Variants in PPP1R1C observed in about 807,000 individuals in gnomAD.
PPP1R1C encodes the protein protein phosphatase 1 regulatory inhibitor subunit 1C, also known as protein phosphatase 1 regulatory subunit 1C.
PPP1R1C carries 15 observed loss-of-function variants against 17.4 expected under a neutral mutation model. The ratio of observed to expected loss-of-function variants is 0.86; its 90% CI spans 0.58 to 1.33. The LOEUF (loss-of-function observed/expected upper bound fraction) is 1.33, where lower values mean the gene tolerates loss of function less well. Among genes scored for constraint, PPP1R1C ranks in the 40% most tolerant of loss-of-function variants. The probability of loss-of-function intolerance (pLI) is 0.00; values close to 1 mark genes in which losing one functional copy is unlikely to be tolerated. For synonymous variants in PPP1R1C, 35 were observed against 43.1 expected (o/e 0.81, Z 0.73); for missense variants, 143 against 130.0 (o/e 1.10, Z -0.48).
At chr2:181,971,227 C>T (rs989669040) in intron 1 of PPP1R1C, among the ~76,000 whole-genome samples, 29 of 152,298 alleles carry the variant, frequency 1.9e-4, no homozygotes, top group Non-Finnish European at 2.8e-4. Flanking sequence ...AGGCCCACAG[C>T]GAGTACTGCC....
chr2:181,988,986 AACTT>A (rs1411505168), intron 2 of PPP1R1C, among the ~76,000 whole-genome samples: 1 of 152,342 alleles, frequency 6.6e-6, no homozygotes, highest in African/African-American at 2.4e-5. Context: ...AATAAATCTT[AACTT>A]ACTTATATTT....
rs140422457 is a variant in PPP1R1C, at chr2:181,992,967, C to T, written c.142+5068C>T. Among the ~76,000 whole-genome samples the T allele has an allele frequency of 2.4e-4, 37 of 151,956 alleles. No homozygotes were observed. In the East Asian group the frequency reaches 5.2e-3, roughly 21 times the overall value. Reference sequence around the variant, plus strand: ...TGCTTTGGCTATTCATTTCCAGAAACGAAAAAGAAGCCACAGTTTATACTG... The same window carrying T: ...TGCTTTGGCTATTCATTTCCAGAAATGAAAAAGAAGCCACAGTTTATACTG... On this transcript the variant is annotated intron_variant, in intron 2 of 4. Transcript: ENST00000682840.
intron 2 of PPP1R1C, among the ~76,000 whole-genome samples, chr2:182,027,661 T>C (rs1410714618): frequency 6.8e-6 from 1 of 147,384 alleles, no homozygotes; most frequent in Admixed American, 6.7e-5. Context: ...AGGATATTGG[T>C]CTAAAATTCT....
intron 4 of PPP1R1C, among the ~76,000 whole-genome samples, chr2:182,073,078 C>T (rs954400871): frequency 2.0e-5 from 3 of 147,792 alleles, no homozygotes; most frequent in South Asian, 2.2e-4. Context: ...GAAAATAATA[C>T]GTGGTTTCTG....
chr2:182,044,966 T>C (rs1687299139), intron 2 of PPP1R1C, among the ~76,000 whole-genome samples: 1 of 152,228 alleles, frequency 6.6e-6, no homozygotes. Context: ...TTCCTTCATC[T>C]TTCTGTCTCT....
chr2:182,111,705 GATTAA>G (rs1689443093), intron 4 of PPP1R1C, among the ~76,000 whole-genome samples: 1 of 151,422 alleles, frequency 6.6e-6, no homozygotes, highest in Admixed American at 6.6e-5. Flanking sequence ...AAATATTATA[GATTAA>G]ATTATATTGA....
At chr2:182,081,679 T>G (rs1016563422) in intron 4 of PPP1R1C, among the ~76,000 whole-genome samples, 2 of 152,176 alleles carry the variant, frequency 1.3e-5, no homozygotes, top group African/African-American at 4.8e-5. Flanking sequence ...AAAAAAAAAG[T>G]ATTGTGTCAT....
At chr2:182,120,483 C>A (rs985652532), downstream of PPP1R1C, among the ~76,000 whole-genome samples, 1 of 152,086 alleles carries the variant, frequency 6.6e-6, no homozygotes, top group East Asian at 1.9e-4. Flanking sequence ...ATATCACCAC[C>A]GATCCCCTGA....
At chr2:181,970,358 A>C (rs1477627124) in intron 1 of PPP1R1C, among the ~76,000 whole-genome samples, 1 of 152,092 alleles carries the variant, frequency 6.6e-6, no homozygotes, top group Non-Finnish European at 1.5e-5. Flanking sequence ...ATTAGGGGGC[A>C]CTCCAAGCCT....
chr2:182,074,824 G>A (rs1372377401), intron 4 of PPP1R1C, among the ~76,000 whole-genome samples: 3 of 152,176 alleles, frequency 2.0e-5, no homozygotes, highest in Non-Finnish European at 4.4e-5. Flanking sequence ...TTTTCTGTGG[G>A]ACAGTAAAGA....
chr2:182,075,326 A>G (rs1380554161), intron 4 of PPP1R1C, among the ~76,000 whole-genome samples: 1 of 152,230 alleles, frequency 6.6e-6, no homozygotes, highest in Non-Finnish European at 1.5e-5. Flanking sequence ...AAGGCAACTC[A>G]TTTCCAAATA....
upstream of PPP1R1C, among the ~76,000 whole-genome samples, chr2:181,982,199 A>T (rs1685205984): frequency 6.6e-6 from 1 of 152,198 alleles, no homozygotes; most frequent in Non-Finnish European, 1.5e-5. Context: ...TCAGGTAACA[A>T]TTAAAAAACA....
downstream of PPP1R1C, among the ~76,000 whole-genome samples, chr2:182,122,099 C>T (rs914660571): frequency 5.9e-5 from 9 of 152,050 alleles, no homozygotes; most frequent in Non-Finnish European, 1.0e-4. Context: ...TCCTCTTATA[C>T]GTGAGGAACA....
At chr2:182,074,794 T>C (rs141640754) in intron 4 of PPP1R1C, among the ~76,000 whole-genome samples, 124 of 152,326 alleles carry the variant, frequency 8.1e-4, no homozygotes, top group African/African-American at 2.9e-3. Flanking sequence ...CAGAACTAGA[T>C]GCACTCTTTC....
chr2:182,040,355 G>A (rs1687144359), intron 2 of PPP1R1C, among the ~76,000 whole-genome samples: 1 of 152,114 alleles, frequency 6.6e-6, no homozygotes, highest in Non-Finnish European at 1.5e-5. Flanking sequence ...TCTTGCAGGA[G>A]TAAGGTGTAT....
At position 181,961,997 on chromosome 2, in the gene PPP1R1C, G is replaced by A. The variant is rs1278251339; in HGVS notation, n.111+7363G>A. 2.3e-5 allele frequency: 17 copies of A among 731,868 alleles called. 1 individual carries two copies. The highest frequency in any genetic ancestry group is 3.6e-4 in the Middle Eastern group (1 of 2,812). The allele number at this position is 731,868 out of a possible 1,614,324, so 45.3% of individuals were successfully genotyped here. A position where few individuals can be genotyped will look rare whatever the true frequency, so the allele number is the denominator to read the frequency against. On this transcript the variant is annotated intron_variant and non_coding_transcript_variant, in intron 1 of 5. Coordinates refer to the PPP1R1C transcript ENST00000464264. The surrounding 1 kb of genome is among the most constrained non-coding windows in gnomAD (Gnocchi z 5.8). The stretch of plus-strand genomic sequence containing the variant: ...CTCATACTTGACTCTAAAGTCATCG[G>A]CTGCAAGACAGGCATTGTCAATCTG...
chr2:182,112,175 AG>A (rs1216257829), intron 4 of PPP1R1C, among the ~76,000 whole-genome samples: 1 of 152,068 alleles, frequency 6.6e-6, no homozygotes, highest in Non-Finnish European at 1.5e-5. Context: ...AGCACACAGT[AG>A]GGGCTTTATT....
At chr2:181,977,406 T>C (rs1685113520) in intron 2 of PPP1R1C, among the ~76,000 whole-genome samples, 2 of 152,110 alleles carry the variant, frequency 1.3e-5, no homozygotes, top group Non-Finnish European at 2.9e-5. Context: ...GTTTCCATTT[T>C]GTCCTCTTTT....
intron 4 of PPP1R1C, among the ~76,000 whole-genome samples, chr2:182,092,876 G>C (rs1688822374): frequency 6.6e-6 from 1 of 152,160 alleles, no homozygotes; most frequent in Non-Finnish European, 1.5e-5. Context: ...GCTTTCACAG[G>C]CTGGCATTGA....
Sources: gnomAD v4.1 joint callset for allele counts (sites outside exome capture counted in the v4.1 genomes callset) on GRCh38, gnomAD v4.1.1 for gene constraint, Gnocchi (gnomAD v3.1) non-coding constraint, MANE v1.5 for transcripts, NCBI Gene and HGNC (gene_info 2026-07-23, HGNC 2026-07-21) for gene names.